Variants in SH3BGRL2 observed in about 807,000 individuals in gnomAD.
SH3BGRL2 encodes the protein SH3 domain-binding glutamic acid-rich-like protein 2.
Under a neutral mutation model 14.8 loss-of-function variants are expected in SH3BGRL2, and 21 were observed. That is an observed-to-expected ratio of 1.42 (90% CI 1.01 to 2.05). The LOEUF is 2.05. SH3BGRL2 is among the 30% of genes most tolerant of loss of function. The pLI, the probability that SH3BGRL2 is intolerant of heterozygous loss-of-function variation, is 0.00. For missense variants in SH3BGRL2, 147 were observed against 130.8 expected (o/e 1.12, Z -0.61); for synonymous variants, 50 against 47.8 (o/e 1.05, Z -0.19).
chr6:79,540,221 T>G, the SH3BGRL2 span, among the ~76,000 whole-genome samples: 1 of 151,870 alleles, frequency 6.6e-6, no homozygotes, highest in Non-Finnish European at 1.5e-5. Flanking sequence ...GATCACGAGG[T>G]CAGGAGATCA....
chr6:79,567,009 G>T, the SH3BGRL2 span, among the ~76,000 whole-genome samples: 2 of 152,124 alleles, frequency 1.3e-5, no homozygotes, highest in Non-Finnish European at 2.9e-5. Context: ...AAATGAGCTA[G>T]CTGGGAAGCT....
chr6:79,543,389 C>T, the SH3BGRL2 span, among the ~76,000 whole-genome samples: 1 of 152,232 alleles, frequency 6.6e-6, no homozygotes, highest in South Asian at 2.1e-4. Context: ...TTGGACAACA[C>T]AGGATTAGAT....
the SH3BGRL2 span, among the ~76,000 whole-genome samples, chr6:79,624,279 T>C: frequency 6.7e-6 from 1 of 149,822 alleles, no homozygotes; most frequent in Non-Finnish European, 1.5e-5. Context: ...TAGTATATCA[T>C]ATATATATCA....
intron 2 of SH3BGRL2, among the ~76,000 whole-genome samples, chr6:79,692,482 G>T (rs1446354919): frequency 6.6e-6 from 1 of 152,100 alleles, no homozygotes; most frequent in Non-Finnish European, 1.5e-5. Flanking sequence ...GGGTTTTTAT[G>T]GTTCTAGGTC....
Position 79,696,548 on chromosome 6 carries a change from C to T in SH3BGRL2, c.295C>T (p.Pro99Ser). 17 of 1,568,766 alleles carry T rather than the reference C, an allele frequency of 1.1e-5. No homozygotes were observed. The highest frequency in any genetic ancestry group is 1.7e-4 in the Middle Eastern group (1 of 5,936). The change falls in exon 3 of 4, where the codon CCA becomes TCA. Residue 99 changes from proline (P) to serine (S), a missense_variant. Transcript: ENST00000369838. ...AGTCTTTTCATTTTTAGGCCTGAAA[C>T]CACGGTTGGCATCAAAGGTAGGTAA... is the stretch of plus-strand genomic sequence containing the variant. Reference protein sequence around the residue: ...NTVFSFLGLKPRLASKAEP With the variant: ...NTVFSFLGLKSRLASKAEP
In SH3BGRL2 at chr6:79,642,080, C is replaced by A. The variant is rs1406895803; in HGVS notation, c.45+10574C>A. On this transcript the variant is annotated intron_variant, in intron 1 of 3. Transcript: ENST00000369838. ...TACTACTATGCACATAGTCACTATT[C>A]TTTGCTATACATAATACAGTCAGCC... Among the ~76,000 whole-genome samples, 6 of 152,126 alleles carry A rather than the reference C, an allele frequency of 3.9e-5. No individual in the cohort carries two copies. The East Asian group carries it at 1.2e-3, about 29-fold the overall frequency.
At chr6:79,604,701 G>C in the SH3BGRL2 span, among the ~76,000 whole-genome samples, 2 of 152,114 alleles carry the variant, frequency 1.3e-5, no homozygotes, top group African/African-American at 4.8e-5. Flanking sequence ...GAGTGTGTTG[G>C]GGGCAGATAA....
At chr6:79,601,038 G>C in the SH3BGRL2 span, among the ~76,000 whole-genome samples, 44 of 128,136 alleles carry the variant, frequency 3.4e-4, no homozygotes, top group African/African-American at 1.1e-3. Context: ...CTCAGTGTCA[G>C]TTGAAGGATT....
chr6:79,562,024 G>A, the SH3BGRL2 span, among the ~76,000 whole-genome samples: 29 of 152,280 alleles, frequency 1.9e-4, no homozygotes, highest in African/African-American at 6.3e-4. Flanking sequence ...GCTCTCTAGT[G>A]TCTACAAGGC....
At chr6:79,563,332 G>A in the SH3BGRL2 span, among the ~76,000 whole-genome samples, 3 of 150,404 alleles carry the variant, frequency 2.0e-5, no homozygotes, top group East Asian at 3.9e-4. Flanking sequence ...AGGCTGGTCT[G>A]GAACTCCTGA....
the SH3BGRL2 span, among the ~76,000 whole-genome samples, chr6:79,584,828 T>G: frequency 3.3e-5 from 5 of 152,306 alleles, no homozygotes; most frequent in African/African-American, 9.6e-5. Flanking sequence ...TAAGATAGTT[T>G]AGCAGAATCT....
chr6:79,576,474 C>T, the SH3BGRL2 span, among the ~76,000 whole-genome samples: 4,554 of 152,206 alleles, frequency 0.03, 104 homozygotes, highest in Non-Finnish European at 0.049. Flanking sequence ...TCGTAGCATT[C>T]GAAAGATAGT....
At position 79,699,637 on chromosome 6, in the gene SH3BGRL2, A is replaced by T; in HGVS notation, c.*128A>T. ...TATCAGTAACTTTGCTTGCCACGGA[A>T]AAGGTGTTTTTGAAAGATGTGGCTA... On this transcript the variant is annotated 3_prime_UTR_variant, in exon 4 of 4. Coordinates refer to ENST00000369838, the MANE Select transcript of SH3BGRL2 (RefSeq NM_031469.4). The T allele has an allele frequency of 7.8e-7, 1 of 1,277,626 alleles. No individual in the cohort carries two copies. 79.1% of individuals were successfully genotyped at this position (1,277,626 alleles called of 1,614,324 possible). A position where few individuals can be genotyped will look rare whatever the true frequency, so the allele number is the denominator to read the frequency against.
the SH3BGRL2 span, chr6:79,553,252 A>C: frequency 6.6e-6 from 1 of 152,192 alleles, no homozygotes; most frequent in Admixed American, 6.5e-5. Flanking sequence ...AAAATGTAGG[A>C]TGTTAAGGAA....
At chr6:79,604,984 T>C in the SH3BGRL2 span, among the ~76,000 whole-genome samples, 24 of 152,180 alleles carry the variant, frequency 1.6e-4, no homozygotes, top group African/African-American at 5.8e-4. Flanking sequence ...ATCCCACAAC[T>C]CTTTGCAAGG....
the SH3BGRL2 span, among the ~76,000 whole-genome samples, chr6:79,590,426 T>TTG: frequency 1.1e-4 from 6 of 55,884 alleles, no homozygotes; most frequent in African/African-American, 3.6e-4. Flanking sequence ...GAAAATGTGA[T>TTG]ATATATATAT....
At chr6:79,666,056 C>T (rs530632852) in intron 1 of SH3BGRL2, among the ~76,000 whole-genome samples, 5 of 152,262 alleles carry the variant, frequency 3.3e-5, no homozygotes, top group East Asian at 3.9e-4. Flanking sequence ...AACAATGAGG[C>T]GTACTGCTGA....
At chr6:79,591,163 G>C in the SH3BGRL2 span, among the ~76,000 whole-genome samples, 1 of 152,152 alleles carries the variant, frequency 6.6e-6, no homozygotes, top group African/African-American at 2.4e-5. Flanking sequence ...TCCCACGACA[G>C]CTTCAATTTC....
At chr6:79,668,123 T>G (rs1384205931) in intron 1 of SH3BGRL2, among the ~76,000 whole-genome samples, 3 of 152,124 alleles carry the variant, frequency 2.0e-5, no homozygotes, top group Non-Finnish European at 2.9e-5. Context: ...GCTAGACGTG[T>G]CTGGAAGCCT....
Sources: allele counts gnomAD v4.1 joint callset (sites outside exome capture counted in the v4.1 genomes callset), GRCh38; gene constraint gnomAD v4.1.1; transcripts MANE v1.5; gene names NCBI Gene and HGNC (gene_info 2026-07-23, HGNC 2026-07-21).